DOCK3: variants seen among roughly 807,000 people sequenced by gnomAD.
DOCK3 encodes dedicator of cytokinesis 3.
In DOCK3, 60 loss-of-function variants were observed where a neutral mutation model predicts 265.6. The ratio of observed to expected loss-of-function variants is 0.23; its 90% CI spans 0.18 to 0.28. The LOEUF (loss-of-function observed/expected upper bound fraction) is 0.28, where lower values mean the gene tolerates loss of function less well. Ranked by LOEUF, DOCK3 falls within the 10% of genes least tolerant of loss-of-function variation. The pLI is 1.00. For synonymous variants in DOCK3, 881 were observed against 938.0 expected, an observed-to-expected ratio of 0.94 and a Z score of 1.11; for missense variants, 1,981 against 2,594.3, an observed-to-expected ratio of 0.76 and a Z score of 5.14.
chr3:51,333,236 A>G lies in DOCK3; in HGVS notation c.3594A>G (p.Glu1198=), dbSNP rs1252364666. Residue 1198 remains glutamate (E), a synonymous_variant, in exon 35 of 53, where the codon GAA becomes GAG. Transcript: ENST00000266037. ...TGACCTCAGTCACCCGCCTCATGGAACGTCTTCTTGACTACAGGTATCTTC... is the reference window on the plus strand; with the variant it reads ...TGACCTCAGTCACCCGCCTCATGGAGCGTCTTCTTGACTACAGGTATCTTC... ...SFVTSVTRLM[E]RLLDYRDCMK... 2 of 1,613,096 alleles carry G rather than the reference A, an allele frequency of 1.2e-6. No individual in the cohort carries two copies. Among genetic ancestry groups the G allele is most frequent in the African/African-American group, 1.3e-5 (1 of 74,902 alleles).
chr3:51,041,520 A>G (rs967408849), intron 5 of DOCK3, among the ~76,000 whole-genome samples: 1 of 151,900 alleles, frequency 6.6e-6, no homozygotes, highest in Non-Finnish European at 1.5e-5. Context: ...CCCGGCCCAA[A>G]ATGTATTTCT....
intron 5 of DOCK3, among the ~76,000 whole-genome samples, chr3:50,994,809 A>G: frequency 6.6e-6 from 1 of 152,320 alleles, no homozygotes; most frequent in East Asian, 1.9e-4. Flanking sequence ...TGAGAGTTCA[A>G]TTAGATAAGA....
At chr3:51,319,138 GT>G (rs1199180044) in intron 32 of DOCK3, among the ~76,000 whole-genome samples, 1 of 152,096 alleles carries the variant, frequency 6.6e-6, no homozygotes, top group Admixed American at 6.5e-5. Context: ...ATTCACCAGT[GT>G]TTTACCAGTG....
chr3:51,172,921 C>A (rs113826797), intron 12 of DOCK3, among the ~76,000 whole-genome samples: 2,067 of 152,228 alleles, frequency 0.014, 52 homozygotes, highest in African/African-American at 0.045. Flanking sequence ...AAACTCTACA[C>A]TTTTAGTTAC....
chr3:50,853,965 G>C (rs949356646), intron 3 of DOCK3, among the ~76,000 whole-genome samples: 2 of 150,964 alleles, frequency 1.3e-5, no homozygotes, highest in Admixed American at 1.3e-4. Context: ...CTGCGTCCTC[G>C]AGAACATCTG....
chr3:51,103,813 C>A (rs951565107), intron 9 of DOCK3, among the ~76,000 whole-genome samples: 1 of 152,074 alleles, frequency 6.6e-6, no homozygotes, highest in African/African-American at 2.4e-5. Context: ...AGAAAAAAAA[C>A]TGGGAGGATA....
At chr3:50,949,209 C>CT (rs2076526851) in intron 5 of DOCK3, among the ~76,000 whole-genome samples, 1 of 152,136 alleles carries the variant, frequency 6.6e-6, no homozygotes, top group Non-Finnish European at 1.5e-5. Flanking sequence ...GAATATACCA[C>CT]AGTGAAAGTG....
intron 9 of DOCK3, among the ~76,000 whole-genome samples, chr3:51,113,480 A>G (rs1576123036): frequency 1.3e-5 from 2 of 152,154 alleles, no homozygotes; most frequent in South Asian, 4.1e-4. Flanking sequence ...CTGTACCATC[A>G]CTAAAACTCT....
chr3:50,986,500 A>G (rs1244578565), intron 5 of DOCK3, among the ~76,000 whole-genome samples: 6 of 152,228 alleles, frequency 3.9e-5, no homozygotes, highest in East Asian at 1.9e-4. Context: ...CCAGTTACAC[A>G]ATGACATTAT....
intron 19 of DOCK3, among the ~76,000 whole-genome samples, chr3:51,230,045 A>G (rs1455380051): frequency 2.0e-5 from 3 of 152,174 alleles, no homozygotes; most frequent in Non-Finnish European, 2.9e-5. Context: ...TGTTGTCTCA[A>G]ATGACAAGAT....
chr3:51,132,032 C>T lies in DOCK3; in HGVS notation c.747-14517C>T, dbSNP rs549039174. On this transcript the variant is annotated intron_variant, in intron 9 of 52. Transcript: ENST00000266037. ...TAAAGTGACTAATCCATTCCACCAT[C>T]CCAATCTCCCTAAGCCTTTGGATCC... 4.6e-5 allele frequency among the ~76,000 whole-genome samples: 7 copies of T among 152,334 alleles called. No individual in the cohort carries two copies. In the South Asian group the frequency reaches 1.5e-3, roughly 32 times the overall value.
At chr3:50,925,364 A>C (rs1468916906) in intron 4 of DOCK3, among the ~76,000 whole-genome samples, 1 of 152,202 alleles carries the variant, frequency 6.6e-6, no homozygotes, top group Non-Finnish European at 1.5e-5. Flanking sequence ...CAAATAAATG[A>C]CAAATCTCTA....
intron 2 of DOCK3, among the ~76,000 whole-genome samples, chr3:50,824,052 A>G (rs1000594301): frequency 1.3e-5 from 2 of 152,174 alleles, no homozygotes; most frequent in Admixed American, 1.3e-4. Flanking sequence ...GTATTAAGCT[A>G]TTTGGAACTC....
chr3:50,778,782 A>C (rs2041752887), intron 2 of DOCK3, 24 bp downstream of exon 2: 1 of 1,496,258 alleles, frequency 6.7e-7, no homozygotes, highest in East Asian at 2.4e-5. Flanking sequence ...TACAAAGCAC[A>C]TAAATTGTGA....
chr3:50,698,816 C>T (rs754759561), intron 1 of DOCK3, among the ~76,000 whole-genome samples: 2 of 151,936 alleles, frequency 1.3e-5, no homozygotes, highest in Non-Finnish European at 2.9e-5. Context: ...TATCTCTTCA[C>T]TGTTCAGTTC....
intron 2 of DOCK3, among the ~76,000 whole-genome samples, chr3:50,795,169 C>G (rs2042701967): frequency 6.6e-6 from 1 of 151,870 alleles, no homozygotes; most frequent in Admixed American, 6.5e-5. Context: ...AACATTTTTT[C>G]TTTCATTTTG....
chr3:51,244,940 G>A (rs1273952276), intron 21 of DOCK3, among the ~76,000 whole-genome samples: 1 of 152,054 alleles, frequency 6.6e-6, no homozygotes, highest in Non-Finnish European at 1.5e-5. Flanking sequence ...AGCTAAAATA[G>A]CACCCACAAA....
intron 32 of DOCK3, among the ~76,000 whole-genome samples, chr3:51,325,077 T>C (rs887054001): frequency 3.3e-5 from 5 of 152,150 alleles, no homozygotes; most frequent in Admixed American, 6.5e-5. Flanking sequence ...TGGGATCTAA[T>C]TAAACTAAAG....
chr3:51,367,180 G>A (rs2087256453), intron 49 of DOCK3, among the ~76,000 whole-genome samples: 1 of 152,126 alleles, frequency 6.6e-6, no homozygotes, highest in East Asian at 1.9e-4. Context: ...CTCCTGTATT[G>A]GATGCATATA....
Sources: allele counts gnomAD v4.1 joint callset (sites outside exome capture counted in the v4.1 genomes callset), GRCh38; gene constraint gnomAD v4.1.1; transcripts MANE v1.5; gene names NCBI Gene and HGNC (gene_info 2026-07-23, HGNC 2026-07-21).